Variants in MYH15 observed in about 807,000 individuals in gnomAD.
MYH15 encodes myosin-15.
A neutral mutation model predicts 240.5 loss-of-function variants in MYH15; 227 were observed. That is an observed-to-expected ratio of 0.94 (90% CI 0.85 to 1.05). MYH15 has a LOEUF of 1.05. Among genes scored for constraint, MYH15 ranks in the 50% least tolerant of loss-of-function variants. The probability of loss-of-function intolerance (pLI) is 0.00; values close to 1 mark genes in which losing one functional copy is unlikely to be tolerated. For missense variants in MYH15, 2,217 were observed against 2,247.5 expected, an observed-to-expected ratio of 0.99 and a Z score of 0.27; for synonymous variants, 785 against 796.7, an observed-to-expected ratio of 0.99 and a Z score of 0.25.
At chr3:108,488,517 A>C (rs779422918) in intron 9 of MYH15, among the ~76,000 whole-genome samples, 2 of 152,138 alleles carry the variant, frequency 1.3e-5, no homozygotes, top group African/African-American at 4.8e-5. Flanking sequence ...TATGTTGCCC[A>C]GGCTGACCTT....
At chr3:108,460,182 T>A in intron 17 of MYH15, 118 bp downstream of exon 17, 1 of 895,748 alleles carries the variant, frequency 1.1e-6, no homozygotes. Context: ...CTTCAACTTT[T>A]CCAACTTGCT....
intron 27 of MYH15, among the ~76,000 whole-genome samples, chr3:108,424,906 T>C (rs1159724529): frequency 3.9e-5 from 6 of 152,236 alleles, no homozygotes; most frequent in African/African-American, 1.2e-4. Flanking sequence ...TTGTGTGACC[T>C]TGGACAAGTC....
At chr3:108,452,143 G>T (rs2082979269) in intron 21 of MYH15, among the ~76,000 whole-genome samples, 1 of 152,160 alleles carries the variant, frequency 6.6e-6, no homozygotes, top group Non-Finnish European at 1.5e-5. Context: ...CTCATACATT[G>T]CTGGTGGAGA....
At chr3:108,403,740 T>G (rs746216685) in intron 33 of MYH15, among the ~76,000 whole-genome samples, 4 of 152,112 alleles carry the variant, frequency 2.6e-5, no homozygotes, top group Admixed American at 1.3e-4. Flanking sequence ...CCCCCCTGCC[T>G]CCAGTCCACC....
intron 22 of MYH15, among the ~76,000 whole-genome samples, chr3:108,442,407 A>G (rs2082892035): frequency 6.6e-6 from 1 of 152,238 alleles, no homozygotes; most frequent in African/African-American, 2.4e-5. Context: ...AGAAAGAAGT[A>G]TCAGGACATT....
rs183062502 is a variant in MYH15, at chr3:108,452,914, C to T, written c.2399+1092G>A. 9.9e-5 allele frequency among the ~76,000 whole-genome samples: 15 copies of T among 151,774 alleles called. No homozygotes were observed. The East Asian group carries it at 1.7e-3, about 18-fold the overall frequency. The stretch of plus-strand genomic sequence containing the variant: ...AAGAGGATTGTTGAGCCCAGGAGTT[C>T]GAGACCAGCCTGGGCAACATAGGGA... On this transcript the variant is annotated intron_variant, in intron 21 of 40. Coordinates refer to ENST00000693548, the MANE Select transcript of MYH15 (RefSeq NM_014981.3).
At chr3:108,518,625 C>T (rs2083592581) in intron 1 of MYH15, among the ~76,000 whole-genome samples, 1 of 152,176 alleles carries the variant, frequency 6.6e-6, no homozygotes, top group Non-Finnish European at 1.5e-5. Context: ...CTGTCTCATC[C>T]CCAGGCCTGA....
chr3:108,439,580 T>C (rs2082868630), intron 24 of MYH15, among the ~76,000 whole-genome samples, 157 bp downstream of exon 24: 1 of 152,232 alleles, frequency 6.6e-6, no homozygotes, highest in Non-Finnish European at 1.5e-5. Flanking sequence ...CGTGGTTTTG[T>C]GTATAAGAAA....
At chr3:108,440,251 T>C (rs945173679) in intron 23 of MYH15, among the ~76,000 whole-genome samples, 2 of 152,178 alleles carry the variant, frequency 1.3e-5, no homozygotes, top group Admixed American at 6.5e-5. Context: ...GTAACAACAC[T>C]AAAAGCAATT....
At chr3:108,406,824 A>T (rs1003718898) in intron 32 of MYH15, among the ~76,000 whole-genome samples, 5 of 152,166 alleles carry the variant, frequency 3.3e-5, no homozygotes, top group African/African-American at 1.2e-4. Flanking sequence ...CTCACCCTTG[A>T]CCCACGTGAT....
intron 12 of MYH15, among the ~76,000 whole-genome samples, chr3:108,472,852 G>T (rs1003050886): frequency 3.3e-5 from 5 of 152,138 alleles, no homozygotes; most frequent in East Asian, 3.9e-4. Flanking sequence ...GAGAGGAAAT[G>T]AGGTGGCTAA....
At chr3:108,537,607 C>G in the MYH15 span, among the ~76,000 whole-genome samples, 1 of 152,144 alleles carries the variant, frequency 6.6e-6, no homozygotes, top group Non-Finnish European at 1.5e-5. Context: ...TAGAAGAGAG[C>G]AGCCCTCATC....
intron 28 of MYH15, 137 bp from the exon 29 acceptor site, chr3:108,417,067 C>A: frequency 1.5e-6 from 1 of 656,080 alleles, no homozygotes. Context: ...GTCTGAGAGT[C>A]CTATTATTCA....
chr3:108,426,206 A>G (rs1285942516), intron 27 of MYH15, among the ~76,000 whole-genome samples: 1 of 103,252 alleles, frequency 9.7e-6, no homozygotes, highest in Non-Finnish European at 2.0e-5. Flanking sequence ...GTATTTTCAG[A>G]AAAAAAAAAA....
chr3:108,410,024 AGC>A (rs1259252309), intron 31 of MYH15, among the ~76,000 whole-genome samples: 7 of 152,178 alleles, frequency 4.6e-5, no homozygotes, highest in African/African-American at 1.7e-4. Context: ...TATATGCTGG[AGC>A]CGTGCTGGCT....
chr3:108,490,117 G>A (rs1323893516), intron 9 of MYH15, among the ~76,000 whole-genome samples: 2 of 152,166 alleles, frequency 1.3e-5, no homozygotes, highest in East Asian at 3.9e-4. Context: ...AAGAGTGTTA[G>A]ATTTGATAGG....
chr3:108,421,348 G>A (rs975041304), intron 27 of MYH15, 134 bp from the exon 28 acceptor site: 2 of 1,037,612 alleles, frequency 1.9e-6, no homozygotes, highest in African/African-American at 3.2e-5. Flanking sequence ...GCCAGCATTG[G>A]GAGATCACAT....
intron 21 of MYH15, among the ~76,000 whole-genome samples, chr3:108,446,742 CCCAGTCAAAG>C (rs2082931645): frequency 1.2e-5 from 1 of 83,496 alleles, no homozygotes; most frequent in Admixed American, 9.8e-5. Context: ...GAAGATTTTG[CCCAGTCAAAG>C]CCAGTCCATA....
In MYH15 at chr3:108,408,310, T is replaced by C. The variant is rs777753812; in HGVS notation, c.4590A>G (p.Thr1530=). ...TTTCTTCCAGTGTCACCTGGACTTC[T>C]GTCTTCTCTTCTTCAATTAGTTTCT... ...KVKKLIEEEK[T]EVQVTLEETE... is the part of the protein sequence containing the mutation. Residue 1530 remains threonine (T), a synonymous_variant, in exon 32 of 41, where the codon ACA becomes ACG. Transcript: ENST00000693548. 4 of 1,613,566 alleles carry C rather than the reference T, an allele frequency of 2.5e-6. No individual in the cohort carries two copies. The African/African-American group carries it at 4.0e-5, about 16-fold the overall frequency.
Sources: allele counts gnomAD v4.1 joint callset (sites outside exome capture counted in the v4.1 genomes callset), GRCh38; gene constraint gnomAD v4.1.1; transcripts MANE v1.5; gene names NCBI Gene and HGNC (gene_info 2026-07-23, HGNC 2026-07-21).